CATSPERT: variants seen among roughly 807,000 people sequenced by gnomAD.
CATSPERT encodes cation channel sperm-associated targeting subunit tau.
chr2:201,517,954 G>C, the CATSPERT span, among the ~76,000 whole-genome samples: 1 of 152,168 alleles, frequency 6.6e-6, no homozygotes, highest in African/African-American at 2.4e-5. Flanking sequence ...TATGTCAGAG[G>C]GAAACAAGTC....
At chr2:201,605,776 A>T in the CATSPERT span, among the ~76,000 whole-genome samples, 4 of 152,344 alleles carry the variant, frequency 2.6e-5, no homozygotes, top group East Asian at 7.7e-4. Flanking sequence ...TCTTCAAACA[A>T]GCATTTGGAG....
At chr2:201,616,693 G>A in the CATSPERT span, among the ~76,000 whole-genome samples, 40 of 152,310 alleles carry the variant, frequency 2.6e-4, no homozygotes, top group African/African-American at 9.1e-4. Context: ...ACATGGTGTT[G>A]GAATTTCTGG....
At chr2:201,607,318 C>G in the CATSPERT span, among the ~76,000 whole-genome samples, 1 of 152,280 alleles carries the variant, frequency 6.6e-6, no homozygotes, top group African/African-American at 2.4e-5. Context: ...TGAATCATAA[C>G]AGAACCTATT....
the CATSPERT span, among the ~76,000 whole-genome samples, chr2:201,598,884 C>A: frequency 6.6e-6 from 1 of 152,084 alleles, no homozygotes; most frequent in Non-Finnish European, 1.5e-5. Flanking sequence ...CCCAGCCAAC[C>A]ACCTCCTAAT....
At chr2:201,611,008 C>T in the CATSPERT span, among the ~76,000 whole-genome samples, 1 of 152,212 alleles carries the variant, frequency 6.6e-6, no homozygotes, top group South Asian at 2.1e-4. Context: ...AAATGCCTGG[C>T]TAACATCATA....
At chr2:201,491,303 G>A in the CATSPERT span, 6 of 1,537,660 alleles carry the variant, frequency 3.9e-6, no homozygotes, top group South Asian at 3.6e-5. Context: ...TGGGCGACAC[G>A]GTCTCTTTCT....
chr2:201,532,386 TA>T, the CATSPERT span, among the ~76,000 whole-genome samples: 1 of 152,148 alleles, frequency 6.6e-6, no homozygotes, highest in South Asian at 2.1e-4. Flanking sequence ...GAATCTAAAT[TA>T]GGGGTGGAGA....
At chr2:201,520,896 AAAG>A in the CATSPERT span, among the ~76,000 whole-genome samples, 1 of 151,800 alleles carries the variant, frequency 6.6e-6, no homozygotes, top group East Asian at 1.9e-4. Context: ...GAAAAAAAAA[AAAG>A]AAACAGAAGA....
chr2:201,560,521 C>T, the CATSPERT span, among the ~76,000 whole-genome samples: 34 of 151,018 alleles, frequency 2.3e-4, no homozygotes, highest in East Asian at 1.9e-4. Flanking sequence ...GACCAGGCCA[C>T]GCAGAAGAAA....
chr2:201,547,404 T>C, the CATSPERT span: 1 of 646,122 alleles, frequency 1.5e-6, no homozygotes, highest in Admixed American at 3.5e-5. Flanking sequence ...ATTTTATATA[T>C]CAAGGACAAA....
At chr2:201,601,090 A>C in the CATSPERT span, among the ~76,000 whole-genome samples, 1 of 152,162 alleles carries the variant, frequency 6.6e-6, no homozygotes, top group Non-Finnish European at 1.5e-5. Flanking sequence ...GATTCTAATA[A>C]GCCTAACTGT....
chr2:201,602,432 A>C, the CATSPERT span, among the ~76,000 whole-genome samples: 1 of 152,132 alleles, frequency 6.6e-6, no homozygotes. Context: ...AATTCTCTTT[A>C]TATAAAAAAG....
chr2:201,598,477 T>A, the CATSPERT span, among the ~76,000 whole-genome samples: 1 of 152,026 alleles, frequency 6.6e-6, no homozygotes, highest in East Asian at 1.9e-4. Context: ...ATCTTAAAAA[T>A]CTTGTTGAGG....
At chr2:201,613,478 C>CG in the CATSPERT span, among the ~76,000 whole-genome samples, 1 of 152,238 alleles carries the variant, frequency 6.6e-6, no homozygotes. Context: ...AACAGACCTG[C>CG]AGCTGACGGT....
chr2:201,557,094 A>C, the CATSPERT span: 1 of 152,108 alleles, frequency 6.6e-6, no homozygotes, highest in African/African-American at 2.4e-5. Context: ...CAAACCTTAA[A>C]ACTAACACTC....
At chr2:201,509,486 A>G in the CATSPERT span, among the ~76,000 whole-genome samples, 2 of 150,832 alleles carry the variant, frequency 1.3e-5, no homozygotes, top group Non-Finnish European at 2.9e-5. Context: ...ATGTAGTCCC[A>G]CTTGTCTATT....
the CATSPERT span, among the ~76,000 whole-genome samples, chr2:201,497,521 T>C: frequency 6.6e-6 from 1 of 152,230 alleles, no homozygotes; most frequent in Non-Finnish European, 1.5e-5. Flanking sequence ...AATTTCATTT[T>C]TGTAACAAAG....
chr2:201,609,483 T>A, the CATSPERT span, among the ~76,000 whole-genome samples: 10 of 152,266 alleles, frequency 6.6e-5, no homozygotes, highest in African/African-American at 2.4e-4. Context: ...TAAAATCATA[T>A]CAAGTATCTT....
the CATSPERT span, among the ~76,000 whole-genome samples, chr2:201,615,642 A>T: frequency 6.6e-6 from 1 of 152,242 alleles, no homozygotes; most frequent in African/African-American, 2.4e-5. Context: ...TCATAATTAA[A>T]AGAACTAGAG....
Sources: gnomAD v4.1 joint callset for allele counts (sites outside exome capture counted in the v4.1 genomes callset) on GRCh38, gnomAD v4.1.1 for gene constraint, MANE v1.5 for transcripts, NCBI Gene and HGNC (gene_info 2026-07-23, HGNC 2026-07-21) for gene names.